The following TSHZ2 variants were observed in gnomAD, a reference collection of about 807,000 sequenced individuals.
TSHZ2 encodes the protein teashirt zinc finger homeobox 2.
TSHZ2 carries 21 observed loss-of-function variants against 74.4 expected under a neutral mutation model. The observed-to-expected ratio is 0.28, with a 90% CI of 0.20 to 0.41. The LOEUF (loss-of-function observed/expected upper bound fraction) is 0.41, where lower values mean the gene tolerates loss of function less well. TSHZ2 is among the 10% of genes least tolerant of loss of function. The probability of loss-of-function intolerance (pLI) is 1.00; values close to 1 mark genes in which losing one functional copy is unlikely to be tolerated. For synonymous variants in TSHZ2, 540 were observed against 515.3 expected (o/e 1.05, Z -0.65); for missense variants, 1,244 against 1,293.5 (o/e 0.96, Z 0.59).
rs1271146512 is a variant in TSHZ2, at chr20:53,259,856, C to G, written c.*8+3285C>G. 3.3e-5 allele frequency among the ~76,000 whole-genome samples: 5 copies of G among 152,110 alleles called. 1 individual carries two copies. The highest frequency in any genetic ancestry group is 7.4e-5 in the Non-Finnish European group (5 of 68,022). On this transcript the variant is annotated intron_variant, in intron 2 of 2. Transcript: ENST00000371497. ...TCAGAATTCAAATTTAACTGGGCAT[C>G]CTGTATTTTTATTAGCTAAATCTGG...
At position 53,338,615 on chromosome 20, in the gene TSHZ2, G is replaced by A. The variant is rs1980052484; in HGVS notation, c.*8+82044G>A. Among the ~76,000 whole-genome samples, 3 of 152,176 alleles carry A rather than the reference G, an allele frequency of 2.0e-5. No individual in the cohort carries two copies. The South Asian group carries it at 6.2e-4, about 31-fold the overall frequency. On this transcript the variant is annotated intron_variant, in intron 2 of 2. Coordinates refer to ENST00000371497, the MANE Select transcript of TSHZ2 (RefSeq NM_173485.6). ...GCTGGGGTGGTACTGGCATCTGGCA[G>A]ATAGACACCAGGGAAGCTGTGGAAT...
intron 1 of TSHZ2, among the ~76,000 whole-genome samples, chr20:53,119,929 T>G (rs911699461): frequency 1.1e-4 from 16 of 152,192 alleles, no homozygotes; most frequent in African/African-American, 3.6e-4. Flanking sequence ...TAGCCAAGAG[T>G]CTCTAAATCT....
At chr20:53,376,864 C>T (rs1245238457) in intron 2 of TSHZ2, among the ~76,000 whole-genome samples, 1 of 152,254 alleles carries the variant, frequency 6.6e-6, no homozygotes, top group Non-Finnish European at 1.5e-5. Context: ...TACAAAGTCT[C>T]TTATGACCTA....
At chr20:53,336,169 C>T (rs537351213) in intron 2 of TSHZ2, among the ~76,000 whole-genome samples, 56 of 152,120 alleles carry the variant, frequency 3.7e-4, no homozygotes, top group Non-Finnish European at 7.1e-4. Flanking sequence ...AAGGTTGAGC[C>T]TGTGACCACT....
chr20:53,245,191 T>C (rs1284350113), intron 1 of TSHZ2, among the ~76,000 whole-genome samples: 1 of 152,222 alleles, frequency 6.6e-6, no homozygotes, highest in African/African-American at 2.4e-5. Context: ...ATACTATTAT[T>C]ATTCCTATTT....
intron 2 of TSHZ2, among the ~76,000 whole-genome samples, chr20:53,434,716 G>A (rs1709295235): frequency 6.6e-6 from 1 of 152,246 alleles, no homozygotes; most frequent in Non-Finnish European, 1.5e-5. Flanking sequence ...GACACCATTA[G>A]ACTCTGCGTA....
intron 1 of TSHZ2, among the ~76,000 whole-genome samples, chr20:53,047,789 G>A (rs921944044): frequency 2.6e-5 from 4 of 152,114 alleles, no homozygotes; most frequent in African/African-American, 9.7e-5. Context: ...AAATTCCTGT[G>A]TGTTAAAACT....
chr20:53,240,754 GA>G, intron 1 of TSHZ2, among the ~76,000 whole-genome samples: 1 of 151,938 alleles, frequency 6.6e-6, no homozygotes, highest in Admixed American at 6.6e-5. Context: ...TAGATAGATA[GA>G]TAGATAGATA....
At chr20:53,263,886 G>A (rs893218785) in intron 2 of TSHZ2, among the ~76,000 whole-genome samples, 4 of 152,186 alleles carry the variant, frequency 2.6e-5, no homozygotes, top group South Asian at 2.1e-4. Flanking sequence ...CTCAGAGGAG[G>A]GGGGCAGGCT....
chr20:53,068,578 C>CT (rs1985071670), intron 1 of TSHZ2, among the ~76,000 whole-genome samples: 1 of 152,144 alleles, frequency 6.6e-6, no homozygotes, highest in Admixed American at 6.5e-5. Flanking sequence ...ACTGACCACA[C>CT]TTGGCAATCA....
intron 2 of TSHZ2, among the ~76,000 whole-genome samples, chr20:53,429,849 G>A (rs1983778684): frequency 6.6e-6 from 1 of 151,954 alleles, no homozygotes; most frequent in Non-Finnish European, 1.5e-5. Flanking sequence ...GGGTGTCAGG[G>A]TTTCTCAGGT....
At chr20:53,425,587 G>A (rs939779413) in intron 2 of TSHZ2, among the ~76,000 whole-genome samples, 1 of 152,206 alleles carries the variant, frequency 6.6e-6, no homozygotes, top group Non-Finnish European at 1.5e-5. Flanking sequence ...ATAAAACAGA[G>A]GTAGGCAAAC....
chr20:53,223,744 G>C (rs1396833575), intron 1 of TSHZ2, among the ~76,000 whole-genome samples: 1 of 152,020 alleles, frequency 6.6e-6, no homozygotes, highest in Admixed American at 6.6e-5. Flanking sequence ...ATGGAGATGA[G>C]AAAAGGATTG....
At chr20:53,187,935 G>C (rs550904675) in intron 1 of TSHZ2, among the ~76,000 whole-genome samples, 1 of 151,990 alleles carries the variant, frequency 6.6e-6, no homozygotes, top group Admixed American at 6.6e-5. Context: ...TAAACCACCC[G>C]CCTCCTGGTA....
chr20:53,226,866 C>T (rs1451042906), intron 1 of TSHZ2, among the ~76,000 whole-genome samples: 1 of 152,082 alleles, frequency 6.6e-6, no homozygotes, highest in African/African-American at 2.4e-5. Flanking sequence ...CCGTTGAGAT[C>T]TAGATCCAGC....
At chr20:53,113,512 CTG>C (rs761032141) in intron 1 of TSHZ2, among the ~76,000 whole-genome samples, 3 of 152,138 alleles carry the variant, frequency 2.0e-5, no homozygotes, top group African/African-American at 7.2e-5. Flanking sequence ...CTTGCCGATG[CTG>C]TGTGTTGGCA....
intron 2 of TSHZ2, among the ~76,000 whole-genome samples, chr20:53,318,094 G>A (rs1338404349): frequency 6.6e-6 from 1 of 152,220 alleles, no homozygotes; most frequent in Admixed American, 6.5e-5. Context: ...GTAATACAAG[G>A]AAGAGAAAAT....
At chr20:53,305,866 T>C (rs1978516652) in intron 2 of TSHZ2, among the ~76,000 whole-genome samples, 1 of 151,810 alleles carries the variant, frequency 6.6e-6, no homozygotes, top group Non-Finnish European at 1.5e-5. Flanking sequence ...TAGTCCCAGC[T>C]ACCTGGGAGG....
At position 53,253,747 on chromosome 20, in the gene TSHZ2, A is replaced by G. The variant is rs1268033396; in HGVS notation, c.289A>G (p.Ser97Gly). ...CAGTGATCAGGTGTCGGACATCAAGAGTGTCTGCGGCAGAGATGCCTCAGA... is the reference window on the plus strand; with the variant it reads ...CAGTGATCAGGTGTCGGACATCAAGGGTGTCTGCGGCAGAGATGCCTCAGA... Reference protein sequence around the residue: ...DASDQVSDIKSVCGRDASDKK... With the variant: ...DASDQVSDIKGVCGRDASDKK... Residue 97 changes from serine (S) to glycine (G), a missense_variant, in exon 2 of 3, where the codon AGT (serine) becomes GGT (glycine). Physicochemically the swap from Ser to Gly is moderately conservative, Grantham distance 56 (BLOSUM62 0). This residue lies in a region of TSHZ2 where 470 missense variants were observed against 456.5 expected (regional missense o/e 1.03). Transcript: ENST00000371497. 1 of 1,614,192 alleles carries G rather than the reference A, an allele frequency of 6.2e-7. No individual in the cohort carries two copies. The highest frequency in any genetic ancestry group is 8.5e-7 in the Non-Finnish European group (1 of 1,180,032).
Sources: gnomAD v4.1 joint callset for allele counts (sites outside exome capture counted in the v4.1 genomes callset) on GRCh38, gnomAD v4.1.1 for gene constraint, gnomAD v4.1.1 regional missense constraint, MANE v1.5 for transcripts, NCBI Gene and HGNC (gene_info 2026-07-23, HGNC 2026-07-21) for gene names.